MTG1: variants seen among roughly 807,000 people sequenced by gnomAD.
MTG1 encodes the protein mitochondrial ribosome associated GTPase 1, also known as mitochondrial ribosome-associated GTPase 1.
MTG1 carries 30 observed loss-of-function variants against 39.5 expected under a neutral mutation model. The ratio of observed to expected loss-of-function variants is 0.76; its 90% CI spans 0.57 to 1.03. The LOEUF is 1.03. MTG1 is among the 50% of genes least tolerant of loss of function. The pLI is 0.00. For missense variants in MTG1, 513 were observed against 447.4 expected (o/e 1.15, Z -1.32); for synonymous variants, 217 against 179.0 (o/e 1.21, Z -1.69).
chr10:133,415,455 T>G (rs1850111046), intron 9 of MTG1, among the ~76,000 whole-genome samples: 1 of 151,968 alleles, frequency 6.6e-6, no homozygotes, highest in African/African-American at 2.4e-5. Flanking sequence ...ATTGACGGGG[T>G]TTTTTAGTGC....
rs376316087 is a variant in MTG1 at position 133,395,981 on chromosome 10, G to A, written c.178-182G>A. 2.8e-4 allele frequency among the ~76,000 whole-genome samples: 42 copies of A among 152,292 alleles called. 1 individual carries two copies. Among genetic ancestry groups the A allele is most frequent in the African/African-American group, 9.9e-4 (41 of 41,550 alleles). On this transcript the variant is annotated intron_variant, in intron 2 of 10. Transcript: ENST00000317502. Reference sequence around the variant, plus strand: ...CTGCGTCACTCAAGCCTGACGGTACGGTGCAGCAGTGGAATCCTCTAGATG... The same window carrying A: ...CTGCGTCACTCAAGCCTGACGGTACAGTGCAGCAGTGGAATCCTCTAGATG...
In MTG1 at chr10:133,402,270, TG is replaced by T; in HGVS notation, c.670+29del. The T allele has an allele frequency of 7.3e-7, 1 of 1,360,956 alleles. No homozygotes were observed. The highest frequency in any genetic ancestry group is 2.4e-5 in the East Asian group (1 of 40,912). The allele number at this position is 1,360,956 out of a possible 1,614,324, so 84.3% of individuals were successfully genotyped here. On this transcript the variant is annotated intron_variant, in intron 8 of 10. Coordinates refer to ENST00000317502, the MANE Select transcript of MTG1 (RefSeq NM_138384.4). The surrounding 1 kb of genome is among the most constrained non-coding windows in gnomAD (Gnocchi z 4.7). Reference sequence around the variant, plus strand: ...GGTGAGCCGGGGCTGGGGCTGGGGCTGGGGCTGGGACCGGGGCCCCTGCCAC... The same window carrying T: ...GGTGAGCCGGGGCTGGGGCTGGGGCTGGGCTGGGACCGGGGCCCCTGCCAC...
chr10:133,398,877 G>A (rs796918464), intron 4 of MTG1, among the ~76,000 whole-genome samples: 65 of 152,186 alleles, frequency 4.3e-4, no homozygotes, highest in African/African-American at 1.5e-3. Flanking sequence ...TGATGGGAGG[G>A]GACGGGCATA....
At chr10:133,399,362 G>C in intron 5 of MTG1, 136 bp downstream of exon 5, 2 of 1,249,180 alleles carry the variant, frequency 1.6e-6, no homozygotes, top group Non-Finnish European at 2.3e-6. Flanking sequence ...ATTCTCTTCA[G>C]TGGAAAGGGC....
intron 9 of MTG1, among the ~76,000 whole-genome samples, chr10:133,412,762 G>A (rs940704665): frequency 4.6e-5 from 7 of 152,186 alleles, no homozygotes; most frequent in African/African-American, 1.4e-4. Context: ...TTTTCCCAAA[G>A]AATCAGCTTC....
At chr10:133,413,524 A>G in intron 9 of MTG1, among the ~76,000 whole-genome samples, 1 of 152,192 alleles carries the variant, frequency 6.6e-6, no homozygotes, top group Non-Finnish European at 1.5e-5. Context: ...CTGGGATTTC[A>G]GATGTGAGCC....
Position 133,404,742 on chromosome 10 carries a change from C to G in MTG1, c.752+1969C>G, listed in dbSNP as rs1275055830. 6.7e-5 allele frequency among the ~76,000 whole-genome samples: 10 copies of G among 148,612 alleles called. No individual in the cohort carries two copies. In the Admixed American group the frequency reaches 6.7e-4, roughly 10 times the overall value. ...ATGGTACAAGCTGCAGATTGAAGTT[C>G]TTTTTTTTTTGCACATGGAGAACCA... On this transcript the variant is annotated intron_variant, in intron 9 of 10. Coordinates refer to ENST00000317502, the MANE Select transcript of MTG1 (RefSeq NM_138384.4).
At position 133,398,490 on chromosome 10, in the gene MTG1, G is replaced by A; in HGVS notation, c.338G>A (p.Cys113Tyr). The change falls in exon 4 of 11, where the codon TGT (cysteine) becomes TAT (tyrosine). Residue 113 changes from cysteine to tyrosine, a missense_variant. Transcript: ENST00000317502. ...EGLKNVIFTN[C>Y]VKDENVKQII... The stretch of plus-strand genomic sequence containing the variant: ...CTAAAAAATGTCATTTTTACCAACT[G>A]TGTAAAGGATGAAAATGTCAAGCAG... 6.2e-7 allele frequency: 1 copy of A among 1,613,776 alleles called. No individual in the cohort carries two copies. Among genetic ancestry groups the A allele is most frequent in the Non-Finnish European group, 8.5e-7 (1 of 1,179,952 alleles).
intron 3 of MTG1, 103 bp from the exon 4 acceptor site, chr10:133,398,332 G>A (rs1290198750): frequency 2.0e-5 from 22 of 1,102,546 alleles, no homozygotes; most frequent in South Asian, 1.2e-4. Flanking sequence ...CCAGGGAGGC[G>A]GAGGTTGCAG....
intron 3 of MTG1, among the ~76,000 whole-genome samples, chr10:133,397,487 T>C (rs1235721729): frequency 1.3e-5 from 2 of 151,394 alleles, no homozygotes; most frequent in Admixed American, 6.6e-5. Flanking sequence ...TATTTTCTTT[T>C]TTTTTTTTTG....
chr10:133,409,753 C>G (rs1311172268), intron 9 of MTG1, among the ~76,000 whole-genome samples: 1 of 152,032 alleles, frequency 6.6e-6, no homozygotes, highest in Non-Finnish European at 1.5e-5. Flanking sequence ...CTGAATTGAC[C>G]CCTTTATCAA....
chr10:133,417,346 CT>C (rs1287269049), intron 9 of MTG1, among the ~76,000 whole-genome samples: 5 of 151,512 alleles, frequency 3.3e-5, no homozygotes, highest in Non-Finnish European at 7.4e-5. Flanking sequence ...GCTAAAAACT[CT>C]CAATAAATTA....
chr10:133,395,658 G>A, intron 1 of MTG1, 55 bp from the exon 2 acceptor site: 9 of 1,557,892 alleles, frequency 5.8e-6, no homozygotes, highest in Non-Finnish European at 7.9e-6. Flanking sequence ...AGCTTGAATC[G>A]ATCACTCTAG....
In MTG1 at chr10:133,415,903, C is replaced by A. The variant is rs141328918; in HGVS notation, c.753-3577C>A. On this transcript the variant is annotated intron_variant, in intron 9 of 10. Transcript: ENST00000317502. Reference sequence around the variant, plus strand: ...TTATCAGGCATGCCGGTATCAGGCACGTGGGCCTCAGGCACACAGGTATCA... The same window carrying A: ...TTATCAGGCATGCCGGTATCAGGCAAGTGGGCCTCAGGCACACAGGTATCA... Among the ~76,000 whole-genome samples, 88 of 126,160 alleles carry A rather than the reference C, an allele frequency of 7.0e-4. 1 individual carries two copies. In the East Asian group the frequency reaches 0.02, roughly 29 times the overall value. 82.8% of individuals were successfully genotyped at this position (126,160 alleles called of 152,430 possible). A position where few individuals can be genotyped will look rare whatever the true frequency, so the allele number is the denominator to read the frequency against.
At chr10:133,398,851 C>G (rs1381586452) in intron 4 of MTG1, among the ~76,000 whole-genome samples, 1 of 152,166 alleles carries the variant, frequency 6.6e-6, no homozygotes, top group Non-Finnish European at 1.5e-5. Context: ...AGCCCCGGGT[C>G]TGCCCTGCTT....
chr10:133,395,351 T>C lies in MTG1; in HGVS notation c.113-362T>C, dbSNP rs188377368. ...CGGAGGTTGCAGTGAGCCGAGATCG[T>C]GCCACTGCACTCCAGCCTGGGTGAC... On this transcript the variant is annotated intron_variant, in intron 1 of 10. Coordinates refer to ENST00000317502, the MANE Select transcript of MTG1 (RefSeq NM_138384.4). Among the ~76,000 whole-genome samples the C allele has an allele frequency of 4.5e-4, 68 of 152,276 alleles. 1 individual carries two copies. Among genetic ancestry groups the C allele is most frequent in the Admixed American group, 4.6e-4 (7 of 15,296 alleles).
chr10:133,399,914 C>T, intron 6 of MTG1: 1 of 322,276 alleles, frequency 3.1e-6, no homozygotes, highest in Non-Finnish European at 5.7e-6. Flanking sequence ...ATCCCTTTGG[C>T]CGGGTGCATG....
chr10:133,407,272 T>G (rs747500060), intron 9 of MTG1, among the ~76,000 whole-genome samples: 7 of 152,246 alleles, frequency 4.6e-5, no homozygotes, highest in African/African-American at 4.8e-5. Context: ...TTTGGCTGTT[T>G]GGGGCCTTTA....
rs759096719 is a variant in MTG1, at chr10:133,396,271, A to G, written c.282+4A>G. On this transcript the variant is annotated splice_donor_region_variant and intron_variant, in intron 3 of 10. Coordinates refer to ENST00000317502, the MANE Select transcript of MTG1 (RefSeq NM_138384.4). ...GGCGGATCTTACAGAGCAGCAGGTAAAGGCCTTTCTCTCAGACGCCTTCAG... is the reference window on the plus strand; with the variant it reads ...GGCGGATCTTACAGAGCAGCAGGTAGAGGCCTTTCTCTCAGACGCCTTCAG... 11 of 1,612,138 alleles carry G rather than the reference A, an allele frequency of 6.8e-6. 1 individual carries two copies. The South Asian group carries it at 1.2e-4, about 18-fold the overall frequency.
Sources: allele counts gnomAD v4.1 joint callset (sites outside exome capture counted in the v4.1 genomes callset), GRCh38; gene constraint gnomAD v4.1.1; non-coding constraint Gnocchi (gnomAD v3.1); transcripts MANE v1.5; gene names NCBI Gene and HGNC (gene_info 2026-07-23, HGNC 2026-07-21).